The following APMAP variants were observed in gnomAD, a reference collection of about 807,000 sequenced individuals.
The protein encoded by APMAP is adipocyte plasma membrane associated protein, also known as adipocyte plasma membrane-associated protein.
Under a neutral mutation model 43.6 loss-of-function variants are expected in APMAP, and 33 were observed. The ratio of observed to expected loss-of-function variants is 0.76; its 90% CI spans 0.57 to 1.01. APMAP has a LOEUF of 1.01. APMAP is among the 50% of genes least tolerant of loss of function. The pLI is 0.00. For synonymous variants in APMAP, 224 were observed against 216.7 expected, an observed-to-expected ratio of 1.03 and a Z score of -0.30; for missense variants, 498 against 540.7, an observed-to-expected ratio of 0.92 and a Z score of 0.78.
intron 6 of APMAP, 38 bp from the exon 7 acceptor site, chr20:24,969,698 T>C (rs1568811599): frequency 3.2e-6 from 5 of 1,582,170 alleles, no homozygotes; most frequent in Middle Eastern, 1.7e-4. Context: ...TGGGGGAGAA[T>C]CCCTGGCTCC....
At chr20:24,986,424 T>A (rs915249349) in intron 1 of APMAP, among the ~76,000 whole-genome samples, 1 of 152,124 alleles carries the variant, frequency 6.6e-6, no homozygotes, top group African/African-American at 2.4e-5. Flanking sequence ...CAGGTGAGAA[T>A]GAAGGGGAAA....
At chr20:24,983,240 C>A (rs1027877733) in intron 2 of APMAP, among the ~76,000 whole-genome samples, 1 of 152,176 alleles carries the variant, frequency 6.6e-6, no homozygotes, top group Non-Finnish European at 1.5e-5. Context: ...TAAAGCCTTA[C>A]CTGGACTAAC....
Position 24,978,777 on chromosome 20 carries a change from T to C in APMAP, c.318A>G (p.Ala106=). ...ENQLVGPESI[A]HIGDVMFTGT... Reference sequence around the variant, plus strand: ...CAAGCTTAGACTTACCCCCAATATGTGCTATGGACTCCGGTCCAACAAGTT... The same window carrying C: ...CAAGCTTAGACTTACCCCCAATATGCGCTATGGACTCCGGTCCAACAAGTT... The change falls in exon 3 of 9, where the codon GCA becomes GCG. Residue 106 remains alanine, a synonymous_variant. Coordinates refer to ENST00000217456, the MANE Select transcript of APMAP (RefSeq NM_020531.3). 7.2e-7 allele frequency: 1 copy of C among 1,392,164 alleles called. No individual in the cohort carries two copies. Among genetic ancestry groups the C allele is most frequent in the Non-Finnish European group, 9.6e-7 (1 of 1,036,530 alleles). 86.2% of individuals were successfully genotyped at this position (1,392,164 alleles called of 1,614,324 possible).
chr20:24,973,518 C>T, intron 4 of APMAP, 127 bp downstream of exon 4: 2 of 829,946 alleles, frequency 2.4e-6, no homozygotes, highest in South Asian at 1.8e-5. Flanking sequence ...CGTCATGTTC[C>T]ATCTACTAGA....
chr20:24,985,265 T>C (rs1037113309), intron 1 of APMAP, among the ~76,000 whole-genome samples: 3 of 152,044 alleles, frequency 2.0e-5, no homozygotes, highest in Non-Finnish European at 4.4e-5. Context: ...CACAAACGAA[T>C]AAAGCAGAAA....
intron 1 of APMAP, among the ~76,000 whole-genome samples, chr20:24,991,409 G>C (rs989997766): frequency 6.6e-6 from 1 of 152,202 alleles, no homozygotes; most frequent in African/African-American, 2.4e-5. Flanking sequence ...CCAGTCCAGG[G>C]CAACGCAGGA....
intron 1 of APMAP, among the ~76,000 whole-genome samples, chr20:24,992,321 G>C (rs1163422531): frequency 2.0e-5 from 3 of 152,346 alleles, no homozygotes; most frequent in African/African-American, 7.2e-5. Context: ...AAGGAGCGGC[G>C]CGAGGCGGTC....
rs368294552 is a variant in APMAP, at chr20:24,992,737, G to T, written c.-49C>A. ...CAGAAACCACCTCACACTGAGCGGC[G>T]CCGGCTCAGACTCCAGGCCCGCCCT... On this transcript the variant is annotated 5_prime_UTR_variant, in exon 1 of 9. Transcript: ENST00000217456. 2.2e-6 allele frequency: 3 copies of T among 1,382,258 alleles called. No homozygotes were observed. Among genetic ancestry groups the T allele is most frequent in the South Asian group, 1.4e-5 (1 of 71,862 alleles). The allele number at this position is 1,382,258 out of a possible 1,614,324, so 85.6% of individuals were successfully genotyped here. A position where few individuals can be genotyped will look rare whatever the true frequency, so the allele number is the denominator to read the frequency against.
At chr20:24,964,499 A>C (rs959742172) in intron 8 of APMAP, 5 of 468,546 alleles carry the variant, frequency 1.1e-5, no homozygotes, top group Non-Finnish European at 2.2e-5. Context: ...AAAAGCAAGC[A>C]GGTCCACAGA....
intron 3 of APMAP, among the ~76,000 whole-genome samples, chr20:24,974,683 A>C (rs927607633): frequency 2.0e-5 from 3 of 152,168 alleles, no homozygotes; most frequent in African/African-American, 7.2e-5. Context: ...ACCAAAAGCA[A>C]CCCAGAATAG....
intron 3 of APMAP, among the ~76,000 whole-genome samples, chr20:24,978,387 T>A (rs1392268801): frequency 1.3e-5 from 2 of 152,218 alleles, no homozygotes; most frequent in African/African-American, 4.8e-5. Flanking sequence ...CACAGTGAAA[T>A]CTATACAAAG....
intron 4 of APMAP, among the ~76,000 whole-genome samples, chr20:24,972,920 G>A (rs6114970): frequency 0.09 from 13,677 of 152,266 alleles, 697 homozygotes; most frequent in Middle Eastern, 0.12. Context: ...ACGGAAAAAG[G>A]CAGGTTAAAG....
At chr20:24,976,805 A>G (rs932895915) in intron 3 of APMAP, among the ~76,000 whole-genome samples, 3 of 152,242 alleles carry the variant, frequency 2.0e-5, no homozygotes, top group Non-Finnish European at 4.4e-5. Flanking sequence ...GTAGGTAACT[A>G]AACTGTGGCA....
chr20:24,980,607 G>A (rs2088095321), intron 2 of APMAP, among the ~76,000 whole-genome samples: 1 of 151,310 alleles, frequency 6.6e-6, no homozygotes, highest in Non-Finnish European at 1.5e-5. Flanking sequence ...CTACGCGCCG[G>A]GCAGTGCAGG....
rs566519744 is a variant in APMAP at position 24,989,372 on chromosome 20, C to A, written c.95+3222G>T. ...ACCACAGTGATGCAACAGGATTTGACAACTGCTGTTGGCTGGGCCATGATT... is the reference window on the plus strand; with the variant it reads ...ACCACAGTGATGCAACAGGATTTGAAAACTGCTGTTGGCTGGGCCATGATT... On this transcript the variant is annotated intron_variant, in intron 1 of 8. Coordinates refer to ENST00000217456, the MANE Select transcript of APMAP (RefSeq NM_020531.3). Among the ~76,000 whole-genome samples, 16 of 152,316 alleles carry A rather than the reference C, an allele frequency of 1.1e-4. No individual in the cohort carries two copies. The South Asian group carries it at 3.3e-3, about 32-fold the overall frequency.
chr20:24,963,576 T>G lies in APMAP; in HGVS notation c.*237A>C. On this transcript the variant is annotated 3_prime_UTR_variant, in exon 9 of 9. Transcript: ENST00000217456. ...TTGTTTAAGAGAAAATGGCTTTACA[T>G]GAATTTATGTTCCTCATGGCAGATA... The G allele has an allele frequency of 1.8e-6, 1 of 545,396 alleles. No individual in the cohort carries two copies. The highest frequency in any genetic ancestry group is 3.1e-5 in the East Asian group (1 of 32,438). 33.8% of individuals were successfully genotyped at this position (545,396 alleles called of 1,614,324 possible).
intron 1 of APMAP, among the ~76,000 whole-genome samples, chr20:24,990,882 A>G (rs569148523): frequency 6.6e-6 from 1 of 152,372 alleles, no homozygotes; most frequent in East Asian, 1.9e-4. Context: ...AAAGGGATAA[A>G]CAAACAAGAA....
At position 24,969,617 on chromosome 20, in the gene APMAP, A is replaced by G. The variant is rs200711893; in HGVS notation, c.757T>C (p.Leu253=). The G allele has an allele frequency of 2.3e-5, 37 of 1,614,094 alleles. No individual in the cohort carries two copies. The Admixed American group carries it at 5.7e-4, about 25-fold the overall frequency. Residue 253 remains leucine (L), a synonymous_variant, in exon 7 of 9, where the codon TTG becomes CTG. Transcript: ENST00000217456. The part of the protein sequence containing the change: ...DTVTREVKVL[L]DQLRFPNGVQ... ...CCATTCGGGAACCGCAGCTGGTCCA[A>G]TAAAACTTTTACTTCCCTGGTCACA...
intron 1 of APMAP, among the ~76,000 whole-genome samples, chr20:24,989,667 T>C (rs1165083180): frequency 1.3e-5 from 2 of 151,272 alleles, no homozygotes; most frequent in East Asian, 3.8e-4. Flanking sequence ...CATCTTGAAT[T>C]TGTTCATTTT....
Sources: allele counts gnomAD v4.1 joint callset (sites outside exome capture counted in the v4.1 genomes callset), GRCh38; gene constraint gnomAD v4.1.1; transcripts MANE v1.5; gene names NCBI Gene and HGNC (gene_info 2026-07-23, HGNC 2026-07-21).